Variants in MITF observed in about 807,000 individuals in gnomAD.
The protein encoded by MITF is melanocyte inducing transcription factor, also known as microphthalmia-associated transcription factor.
MITF carries 17 observed loss-of-function variants against 60.5 expected under a neutral mutation model. The observed-to-expected ratio is 0.28, with a 90% CI of 0.19 to 0.42. MITF has a LOEUF of 0.42. Ranked by LOEUF, MITF falls within the 10% of genes least tolerant of loss-of-function variation. The pLI is 1.00. For missense variants in MITF, 622 were observed against 683.5 expected, an observed-to-expected ratio of 0.91 and a Z score of 1.00; for synonymous variants, 260 against 248.5, an observed-to-expected ratio of 1.05 and a Z score of -0.43.
intron 2 of MITF, among the ~76,000 whole-genome samples, chr3:69,906,907 T>C (rs12106915): frequency 0.018 from 2,671 of 152,258 alleles, 35 homozygotes; most frequent in Middle Eastern, 0.051. Flanking sequence ...ACCACACATC[T>C]ACAACAAAAA....
At chr3:69,753,652 G>C (rs1439470018) in intron 1 of MITF, among the ~76,000 whole-genome samples, 3 of 152,240 alleles carry the variant, frequency 2.0e-5, no homozygotes, top group Non-Finnish European at 2.9e-5. Context: ...TCTTGCACTA[G>C]TGAGCCCTGG....
chr3:69,739,800 A>G, intron 1 of MITF, 99 bp downstream of exon 1: 1 of 879,064 alleles, frequency 1.1e-6, no homozygotes, highest in East Asian at 2.7e-5. Context: ...GCTCTGGGAC[A>G]AGGACCCAGT....
At chr3:69,892,814 CG>C (rs973581505) in intron 2 of MITF, among the ~76,000 whole-genome samples, 4 of 152,202 alleles carry the variant, frequency 2.6e-5, no homozygotes, top group African/African-American at 9.6e-5. Context: ...TTTCTACTGA[CG>C]TGGCTGTAGT....
intron 2 of MITF, among the ~76,000 whole-genome samples, chr3:69,931,021 G>C (rs1410730451): frequency 6.6e-6 from 1 of 152,204 alleles, no homozygotes; most frequent in African/African-American, 2.4e-5. Context: ...AGAAAACTGT[G>C]TCGAGACTTT....
chr3:69,833,013 G>A (rs976603334), intron 1 of MITF, among the ~76,000 whole-genome samples: 2 of 151,346 alleles, frequency 1.3e-5, no homozygotes, highest in African/African-American at 4.8e-5. Context: ...TTGTTTCTCT[G>A]TTCACACTGT....
chr3:69,948,361 A>C (rs983330739), intron 5 of MITF, among the ~76,000 whole-genome samples: 1 of 151,204 alleles, frequency 6.6e-6, no homozygotes, highest in Non-Finnish European at 1.5e-5. Flanking sequence ...TAGAGGAAAA[A>C]CTCTGACGCT....
At chr3:69,940,644 C>T (rs1476254675) in intron 4 of MITF, among the ~76,000 whole-genome samples, 1 of 152,148 alleles carries the variant, frequency 6.6e-6, no homozygotes, top group Non-Finnish European at 1.5e-5. Context: ...AGCCAGTGGC[C>T]TGGGAGCCAC....
chr3:69,822,990 T>G (rs1172639734), intron 1 of MITF, among the ~76,000 whole-genome samples: 1 of 151,890 alleles, frequency 6.6e-6, no homozygotes, highest in African/African-American at 2.4e-5. Context: ...GCAATTTTCC[T>G]GCTTCAGCCT....
At chr3:69,932,656 G>A (rs116208247) in intron 2 of MITF, among the ~76,000 whole-genome samples, 1,533 of 152,254 alleles carry the variant, frequency 0.01, 93 homozygotes, top group Admixed American at 0.085. Flanking sequence ...AGATTGTACA[G>A]TAAACAAGAT....
intron 2 of MITF, among the ~76,000 whole-genome samples, chr3:69,901,598 C>T (rs2064996964): frequency 6.6e-6 from 1 of 152,090 alleles, no homozygotes; most frequent in Non-Finnish European, 1.5e-5. Context: ...ATTTTTCTCC[C>T]AGTGGCACAT....
intron 4 of MITF, among the ~76,000 whole-genome samples, chr3:69,939,480 A>T (rs1022941234): frequency 6.6e-6 from 1 of 152,140 alleles, no homozygotes; most frequent in African/African-American, 2.4e-5. Context: ...CATATATGTT[A>T]TACAAATTTG....
chr3:69,856,272 C>G (rs543035571), intron 1 of MITF, among the ~76,000 whole-genome samples: 1 of 152,172 alleles, frequency 6.6e-6, no homozygotes, highest in East Asian at 1.9e-4. Context: ...GCAAAAACCA[C>G]ATGGAACTTT....
Position 69,889,032 on chromosome 3 carries a change from T to TG in MITF, c.354+9649_354+9650insG, listed in dbSNP as rs1358517529. On this transcript the variant is annotated intron_variant, in intron 2 of 9. Coordinates refer to ENST00000352241, the MANE Select transcript of MITF (RefSeq NM_001354604.2). ...CTGTAGTAATAGCCTTTGGTTTTTTTTTTTTTTTTTTTTTTTTTTGCATTG... is the reference window on the plus strand; with the variant it reads ...CTGTAGTAATAGCCTTTGGTTTTTTTGTTTTTTTTTTTTTTTTTTTGCATTG... Among the ~76,000 whole-genome samples the TG allele has an allele frequency of 2.1e-5, 3 of 144,694 alleles. No individual in the cohort carries two copies. In the East Asian group the frequency reaches 6.1e-4, roughly 29 times the overall value. 94.9% of individuals were successfully genotyped at this position (144,694 alleles called of 152,430 possible). A position where few individuals can be genotyped will look rare whatever the true frequency, so the allele number is the denominator to read the frequency against.
rs193132138 is a variant in MITF, at chr3:69,920,931, G to A, written c.355-16891G>A. On this transcript the variant is annotated intron_variant, in intron 2 of 9. Transcript: ENST00000352241. ...TGCCCAGGCTGGAGTGCAGTGGCTC[G>A]ACCTCGGCTCACTGCAACCTCCACC... Among the ~76,000 whole-genome samples the A allele has an allele frequency of 2.3e-4, 35 of 152,160 alleles. 1 individual carries two copies. Among genetic ancestry groups the A allele is most frequent in the Admixed American group, 2.2e-3 (34 of 15,276 alleles).
chr3:69,743,045 C>T (rs985339088), intron 1 of MITF, among the ~76,000 whole-genome samples: 3 of 152,152 alleles, frequency 2.0e-5, no homozygotes, highest in African/African-American at 7.2e-5. Flanking sequence ...TATTGTGTCC[C>T]CAGAGCCTAG....
intron 2 of MITF, among the ~76,000 whole-genome samples, chr3:69,899,806 C>A (rs987942188): frequency 1.3e-5 from 2 of 152,048 alleles, no homozygotes; most frequent in Admixed American, 6.6e-5. Context: ...TGGGTTAAAC[C>A]AATTGCAGGC....
intron 1 of MITF, among the ~76,000 whole-genome samples, chr3:69,782,184 A>G (rs929627987): frequency 2.0e-5 from 3 of 152,198 alleles, no homozygotes; most frequent in Non-Finnish European, 4.4e-5. Context: ...AGTCTGCTAT[A>G]ATAATTTAGA....
chr3:69,757,948 A>AG (rs1389143116), intron 1 of MITF, among the ~76,000 whole-genome samples: 1 of 150,268 alleles, frequency 6.7e-6, no homozygotes, highest in African/African-American at 2.5e-5. Context: ...CTCAAAGGCC[A>AG]GGGGAGGTCT....
At chr3:69,806,567 G>T (rs1392217001) in intron 1 of MITF, among the ~76,000 whole-genome samples, 1 of 152,012 alleles carries the variant, frequency 6.6e-6, no homozygotes, top group East Asian at 1.9e-4. Context: ...AAGATTTATG[G>T]ATCTTTAGAG....
Sources: gnomAD v4.1 joint callset for allele counts (sites outside exome capture counted in the v4.1 genomes callset) on GRCh38, gnomAD v4.1.1 for gene constraint, MANE v1.5 for transcripts, NCBI Gene and HGNC (gene_info 2026-07-23, HGNC 2026-07-21) for gene names.